Variants in POU3F3 observed in about 807,000 individuals in gnomAD.
POU3F3 encodes POU domain, class 3, transcription factor 3.
Under a neutral mutation model 8.6 loss-of-function variants are expected in POU3F3, and 1 was observed. That is an observed-to-expected ratio of 0.12 (90% CI 0.04 to 0.55). POU3F3 has a LOEUF of 0.55. POU3F3 is among the 20% of genes least tolerant of loss of function. The pLI is 0.91. For synonymous variants in POU3F3, 418 were observed against 327.4 expected, an observed-to-expected ratio of 1.28 and a Z score of -2.99; for missense variants, 577 against 690.7, an observed-to-expected ratio of 0.84 and a Z score of 1.84.
At chr2:104,899,314 A>T in the POU3F3 span, among the ~76,000 whole-genome samples, 2 of 152,216 alleles carry the variant, frequency 1.3e-5, no homozygotes, top group African/African-American at 4.8e-5. Context: ...GAGCTTCGGG[A>T]CAGCCCTGAT....
downstream of POU3F3, among the ~76,000 whole-genome samples, chr2:104,860,932 T>A (rs570458806): frequency 6.6e-6 from 1 of 152,100 alleles, no homozygotes; most frequent in East Asian, 1.9e-4. Flanking sequence ...ATTCAGAGAA[T>A]AATTGGTTCT....
At chr2:104,866,746 T>A in the POU3F3 span, 4 of 152,194 alleles carry the variant, frequency 2.6e-5, no homozygotes, top group African/African-American at 7.2e-5. Flanking sequence ...CGTGTAGCCA[T>A]ATATGACAGG....
chr2:104,884,946 C>G, the POU3F3 span, among the ~76,000 whole-genome samples: 5 of 152,090 alleles, frequency 3.3e-5, no homozygotes, highest in South Asian at 2.1e-4. Flanking sequence ...GATACGGCTC[C>G]TCACACACTT....
chr2:104,888,024 G>A, the POU3F3 span, among the ~76,000 whole-genome samples: 1 of 152,204 alleles, frequency 6.6e-6, no homozygotes, highest in Admixed American at 6.5e-5. Flanking sequence ...TTTAAGAAGA[G>A]TGATGGGTGG....
At chr2:104,887,513 G>A in the POU3F3 span, among the ~76,000 whole-genome samples, 3 of 152,168 alleles carry the variant, frequency 2.0e-5, no homozygotes, top group Admixed American at 2.0e-4. Flanking sequence ...TCTTCCAAGA[G>A]GACTTTAAAC....
the POU3F3 span, among the ~76,000 whole-genome samples, chr2:104,885,866 C>T: frequency 6.6e-6 from 1 of 152,094 alleles, no homozygotes; most frequent in South Asian, 2.1e-4. Flanking sequence ...GGCGTAATCT[C>T]GGCTCACTGA....
At chr2:104,894,007 C>T in the POU3F3 span, among the ~76,000 whole-genome samples, 6 of 152,010 alleles carry the variant, frequency 3.9e-5, no homozygotes, top group Non-Finnish European at 8.8e-5. Flanking sequence ...TATGAAATTG[C>T]ATAAATATAG....
chr2:104,918,863 G>A, the POU3F3 span, among the ~76,000 whole-genome samples: 11 of 150,120 alleles, frequency 7.3e-5, no homozygotes, highest in Admixed American at 5.3e-4. Flanking sequence ...TCCAGTGACC[G>A]CTCACTCATG....
downstream of POU3F3, among the ~76,000 whole-genome samples, chr2:104,863,319 A>G (rs1676689216): frequency 6.6e-6 from 1 of 151,874 alleles, no homozygotes; most frequent in Admixed American, 6.6e-5. Context: ...AAGGAAAGGG[A>G]AACTTCTGAA....
chr2:104,864,007 G>T, the POU3F3 span, among the ~76,000 whole-genome samples: 1 of 152,224 alleles, frequency 6.6e-6, no homozygotes, highest in African/African-American at 2.4e-5. Flanking sequence ...AGCCCCCGGC[G>T]CTTGGCCCAC....
the POU3F3 span, among the ~76,000 whole-genome samples, chr2:104,907,948 T>C: frequency 6.6e-6 from 1 of 152,016 alleles, no homozygotes; most frequent in Non-Finnish European, 1.5e-5. Flanking sequence ...TGTATGTGCA[T>C]GTGTGTGTGT....
the POU3F3 span, among the ~76,000 whole-genome samples, chr2:104,911,211 C>A: frequency 6.6e-6 from 1 of 151,804 alleles, no homozygotes. Flanking sequence ...AGTTCAAGAC[C>A]AGCCTGGCCA....
chr2:104,864,928 G>A, the POU3F3 span, among the ~76,000 whole-genome samples: 2 of 152,216 alleles, frequency 1.3e-5, no homozygotes, highest in African/African-American at 4.8e-5. Context: ...TAGTTGACAC[G>A]TGCGTGTGTG....
In POU3F3 at chr2:104,856,635, G is replaced by A. The variant is rs1309579080; in HGVS notation, c.1125G>A (p.Lys375=). ...AGCTGAGCTTCAAGAACATGTGCAA[G>A]CTCAAGCCGCTGCTGAACAAGTGGC... ...ALQLSFKNMC[K]LKPLLNKWLE... is the part of the protein sequence containing the mutation. The change falls in exon 1 of 1, where the codon AAG becomes AAA. Residue 375 remains lysine, a synonymous_variant. Transcript: ENST00000361360. 6.2e-7 allele frequency: 1 copy of A among 1,614,200 alleles called. No individual in the cohort carries two copies. Among genetic ancestry groups the A allele is most frequent in the Admixed American group, 1.7e-5 (1 of 60,036 alleles).
At chr2:104,919,488 G>A in the POU3F3 span, among the ~76,000 whole-genome samples, 448 of 152,220 alleles carry the variant, frequency 2.9e-3, 1 homozygote, top group African/African-American at 0.01. Flanking sequence ...CCAAACATCC[G>A]ACTTATTTGG....
the POU3F3 span, among the ~76,000 whole-genome samples, chr2:104,889,539 G>A: frequency 6.6e-6 from 1 of 152,168 alleles, no homozygotes; most frequent in Non-Finnish European, 1.5e-5. Flanking sequence ...CCTTACAAAT[G>A]GGAAAACCAA....
chr2:104,919,513 C>A, the POU3F3 span, among the ~76,000 whole-genome samples: 2 of 152,158 alleles, frequency 1.3e-5, no homozygotes, highest in Non-Finnish European at 2.9e-5. Context: ...GTAATTGCCT[C>A]AAAAACTCAG....
At chr2:104,918,454 G>C in the POU3F3 span, among the ~76,000 whole-genome samples, 1 of 152,214 alleles carries the variant, frequency 6.6e-6, no homozygotes, top group Admixed American at 6.5e-5. Flanking sequence ...CAGCTGTAAT[G>C]AGTTAAGATG....
chr2:104,874,413 A>G, the POU3F3 span, among the ~76,000 whole-genome samples: 1 of 152,172 alleles, frequency 6.6e-6, no homozygotes, highest in South Asian at 2.1e-4. Context: ...GTAATCGGGA[A>G]CATGCACTCC....
Sources: allele counts gnomAD v4.1 joint callset (sites outside exome capture counted in the v4.1 genomes callset), GRCh38; gene constraint gnomAD v4.1.1; transcripts MANE v1.5; gene names NCBI Gene and HGNC (gene_info 2026-07-23, HGNC 2026-07-21).